Variants in AKR1C3 observed in about 807,000 individuals in gnomAD.
The protein encoded by AKR1C3 is aldo-keto reductase family 1 member C3.
A neutral mutation model predicts 43.6 loss-of-function variants in AKR1C3; 48 were observed. That is an observed-to-expected ratio of 1.10 (90% CI 0.87 to 1.40). The LOEUF (loss-of-function observed/expected upper bound fraction) is 1.40. Among genes scored for constraint, AKR1C3 ranks in the 40% most tolerant of loss-of-function variants. AKR1C3 has a pLI of 0.00. For missense variants in AKR1C3, 482 were observed against 391.2 expected (o/e 1.23, Z -1.96); for synonymous variants, 162 against 139.6 (o/e 1.16, Z -1.13).
rs368279647 is a variant in AKR1C3, at chr10:5,097,564, A to G, written c.369+14A>G. Reference sequence around the variant, plus strand: ...ATGTCTCTAAAGGTATGCAGTTTGTATGAGCATAAAATTGCGCTTCTGCTG... The same window carrying G: ...ATGTCTCTAAAGGTATGCAGTTTGTGTGAGCATAAAATTGCGCTTCTGCTG... On this transcript the variant is annotated intron_variant, in intron 3 of 8. Transcript: ENST00000380554. The G allele has an allele frequency of 1.1e-5, 17 of 1,613,100 alleles. No individual in the cohort carries two copies. Among genetic ancestry groups the G allele is most frequent in the Non-Finnish European group, 1.4e-5 (17 of 1,179,288 alleles).
intron 1 of AKR1C3, among the ~76,000 whole-genome samples, chr10:5,063,492 A>G (rs1838423332): frequency 6.6e-6 from 1 of 152,096 alleles, no homozygotes; most frequent in Non-Finnish European, 1.5e-5. Flanking sequence ...AGAGAGTGGG[A>G]AACATTGAAA....
chr10:5,085,500 G>C (rs1187894966), intron 1 of AKR1C3, among the ~76,000 whole-genome samples: 1 of 151,774 alleles, frequency 6.6e-6, no homozygotes. Flanking sequence ...GAGGATTTTT[G>C]CATCGATTTC....
intron 1 of AKR1C3, among the ~76,000 whole-genome samples, chr10:5,073,203 C>A (rs1417789838): frequency 6.6e-6 from 1 of 152,076 alleles, no homozygotes; most frequent in Non-Finnish European, 1.5e-5. Flanking sequence ...TCCTCATGAT[C>A]CGCCTGCCTC....
chr10:5,086,029 C>G (rs1838957490), intron 1 of AKR1C3, among the ~76,000 whole-genome samples: 1 of 151,848 alleles, frequency 6.6e-6, no homozygotes, highest in Admixed American at 6.5e-5. Flanking sequence ...AAAACCAGCT[C>G]CTGGTTTCAT....
chr10:5,067,375 T>C (rs1394189052), intron 1 of AKR1C3, among the ~76,000 whole-genome samples: 1 of 152,154 alleles, frequency 6.6e-6, no homozygotes, highest in East Asian at 1.9e-4. Context: ...TAGTTTTACC[T>C]TAAGGGCTCC....
At chr10:5,099,866 G>A (rs1427935504) in intron 5 of AKR1C3, 1 of 167,384 alleles carries the variant, frequency 6.0e-6, no homozygotes, top group African/African-American at 2.4e-5. Context: ...TAGAATAAGA[G>A]AAGAGAGGTG....
chr10:5,083,604 G>A (rs1183123001), intron 1 of AKR1C3, among the ~76,000 whole-genome samples: 4 of 152,148 alleles, frequency 2.6e-5, no homozygotes, highest in African/African-American at 9.7e-5. Flanking sequence ...GTAATGGGAT[G>A]GCTGGGTCAA....
chr10:5,088,398 G>A (rs1306581735), intron 1 of AKR1C3, among the ~76,000 whole-genome samples: 1 of 151,754 alleles, frequency 6.6e-6, no homozygotes, highest in Non-Finnish European at 1.5e-5. Flanking sequence ...CTGTCTCAAT[G>A]ATCTGCAACA....
At chr10:5,053,454 G>T (rs560379498) in intron 1 of AKR1C3, among the ~76,000 whole-genome samples, 1 of 152,226 alleles carries the variant, frequency 6.6e-6, no homozygotes, top group South Asian at 2.1e-4. Flanking sequence ...AAGGCCATGC[G>T]CAGCCCCAGT....
At chr10:5,102,270 G>C (rs1839373559) in intron 6 of AKR1C3, 60 bp downstream of exon 6, 1 of 1,581,370 alleles carries the variant, frequency 6.3e-7, no homozygotes, top group Non-Finnish European at 8.7e-7. Context: ...TTTTTAGTCA[G>C]AGCATCCTCA....
intron 1 of AKR1C3, among the ~76,000 whole-genome samples, chr10:5,065,180 G>C (rs556736651): frequency 1.3e-5 from 2 of 152,230 alleles, no homozygotes; most frequent in Non-Finnish European, 2.9e-5. Flanking sequence ...TTCAACCATT[G>C]TAGAAAGCAG....
chr10:5,057,005 C>T (rs1489990400), intron 1 of AKR1C3, among the ~76,000 whole-genome samples: 2 of 152,164 alleles, frequency 1.3e-5, no homozygotes, highest in African/African-American at 2.4e-5. Flanking sequence ...AATAGTTAAA[C>T]ATACCCGGGG....
chr10:5,074,770 G>T (rs1838677166), intron 1 of AKR1C3, among the ~76,000 whole-genome samples: 1 of 152,126 alleles, frequency 6.6e-6, no homozygotes, highest in Non-Finnish European at 1.5e-5. Flanking sequence ...GAAATTCCTG[G>T]TGAGCTGTTG....
At chr10:5,100,094 A>C (rs1839310913) in intron 5 of AKR1C3, among the ~76,000 whole-genome samples, 1 of 152,188 alleles carries the variant, frequency 6.6e-6, no homozygotes, top group Non-Finnish European at 1.5e-5. Context: ...GGAGTTTGAG[A>C]CCAGCCTGAC....
At chr10:5,097,645 G>T in intron 3 of AKR1C3, 95 bp downstream of exon 3, 2 of 1,597,900 alleles carry the variant, frequency 1.3e-6, no homozygotes, top group Non-Finnish European at 1.7e-6. Context: ...TTAGGAGGAT[G>T]TAGGGATTAT....
chr10:5,065,543 C>T (rs1554780715), intron 1 of AKR1C3, among the ~76,000 whole-genome samples: 1 of 152,004 alleles, frequency 6.6e-6, no homozygotes, highest in African/African-American at 2.4e-5. Flanking sequence ...GAAAAAAATG[C>T]AAGGAAAGAA....
upstream of AKR1C3, among the ~76,000 whole-genome samples, chr10:5,090,995 T>G (rs1349820461): frequency 2.0e-5 from 3 of 152,056 alleles, no homozygotes; most frequent in African/African-American, 7.2e-5. Flanking sequence ...GATAGCATGA[T>G]GGAGGCAAGA....
chr10:5,078,212 T>C (rs1260950160), intron 1 of AKR1C3, among the ~76,000 whole-genome samples: 1 of 152,128 alleles, frequency 6.6e-6, no homozygotes, highest in Non-Finnish European at 1.5e-5. Flanking sequence ...TCACTTGAGG[T>C]TGGGAGTTCG....
intron 8 of AKR1C3, among the ~76,000 whole-genome samples, chr10:5,105,928 C>T (rs1839489762): frequency 2.0e-5 from 3 of 152,166 alleles, no homozygotes; most frequent in South Asian, 4.1e-4. Flanking sequence ...AACATCATTG[C>T]CAAGTCTGCA....
Sources: allele counts gnomAD v4.1 joint callset (sites outside exome capture counted in the v4.1 genomes callset), GRCh38; gene constraint gnomAD v4.1.1; transcripts MANE v1.5; gene names NCBI Gene and HGNC (gene_info 2026-07-23, HGNC 2026-07-21).